DCAF6: variants seen among roughly 807,000 people sequenced by gnomAD.
The protein encoded by DCAF6 is DDB1 and CUL4 associated factor 6, also known as DDB1- and CUL4-associated factor 6.
A neutral mutation model predicts 125.1 loss-of-function variants in DCAF6; 54 were observed. That is an observed-to-expected ratio of 0.43 (90% CI 0.35 to 0.54). The LOEUF is 0.54. Among genes scored for constraint, DCAF6 ranks in the 20% least tolerant of loss-of-function variants. The pLI is 0.01. For synonymous variants in DCAF6, 371 were observed against 390.4 expected (o/e 0.95, Z 0.58); for missense variants, 934 against 1,161.7 (o/e 0.80, Z 2.85).
At chr1:167,935,882 T>C (rs1219325456), upstream of DCAF6, 1 of 1,450,680 alleles carries the variant, frequency 6.9e-7, no homozygotes, top group Non-Finnish European at 9.5e-7. Flanking sequence ...GGAGCGTGGC[T>C]GTGTTCTCGT....
the DCAF6 span, among the ~76,000 whole-genome samples, chr1:167,923,346 A>G: frequency 1.3e-5 from 2 of 152,204 alleles, no homozygotes; most frequent in Non-Finnish European, 2.9e-5. Context: ...AAATACATAC[A>G]ATGGAATGCT....
At chr1:168,030,261 T>C (rs1043496880) in intron 12 of DCAF6, among the ~76,000 whole-genome samples, 1 of 152,172 alleles carries the variant, frequency 6.6e-6, no homozygotes, top group Non-Finnish European at 1.5e-5. Context: ...GACATTAAGC[T>C]GAGATCTGAA....
intron 17 of DCAF6, among the ~76,000 whole-genome samples, chr1:168,051,351 T>G (rs527533738): frequency 3.4e-4 from 52 of 152,340 alleles, no homozygotes; most frequent in African/African-American, 1.3e-3. Context: ...AAAATGTACT[T>G]GAATCTAAAT....
At chr1:167,883,329 C>G in the DCAF6 span, 1 of 1,295,210 alleles carries the variant, frequency 7.7e-7, no homozygotes, top group South Asian at 1.2e-5. Flanking sequence ...TGAGCCACCA[C>G]GCCCAGCCTC....
At chr1:168,056,167 T>C in intron 17 of DCAF6, 2 of 1,601,752 alleles carry the variant, frequency 1.2e-6, no homozygotes, top group Non-Finnish European at 1.7e-6. Flanking sequence ...TCAGGGAGAC[T>C]ACAATAAACA....
chr1:167,900,300 C>T, the DCAF6 span, among the ~76,000 whole-genome samples: 3 of 152,078 alleles, frequency 2.0e-5, no homozygotes, highest in African/African-American at 7.2e-5. Flanking sequence ...GGCTGACTCC[C>T]CCCTGATTCT....
the DCAF6 span, among the ~76,000 whole-genome samples, chr1:167,925,535 TTTTTTTTTTGG>T: frequency 9.6e-4 from 122 of 127,490 alleles, 1 homozygote; most frequent in South Asian, 0.025. Context: ...TTTTTTTTGG[TTTTTTTTTTGG>T]TTTTTTTTGT....
intron 5 of DCAF6, among the ~76,000 whole-genome samples, chr1:167,988,315 T>G (rs984646224): frequency 2.0e-5 from 3 of 152,004 alleles, no homozygotes; most frequent in African/African-American, 7.2e-5. Context: ...TGTGTGCCAC[T>G]ATGCTCAACT....
At chr1:167,878,718 G>A in the DCAF6 span, 2 of 1,401,002 alleles carry the variant, frequency 1.4e-6, no homozygotes, top group Non-Finnish European at 2.0e-6. Flanking sequence ...TCCCCAAATA[G>A]CATTTTTACC....
the DCAF6 span, among the ~76,000 whole-genome samples, chr1:167,869,739 A>G: frequency 6.6e-6 from 1 of 152,102 alleles, no homozygotes; most frequent in Non-Finnish European, 1.5e-5. Flanking sequence ...CGACCCTCTC[A>G]TGCAGACCCC....
chr1:168,017,574 A>G (rs1236506219), intron 11 of DCAF6, among the ~76,000 whole-genome samples: 3 of 151,998 alleles, frequency 2.0e-5, no homozygotes, highest in Admixed American at 6.5e-5. Flanking sequence ...TGTCTTTCCA[A>G]CTCTTAAGTG....
intron 17 of DCAF6, among the ~76,000 whole-genome samples, chr1:168,052,678 G>GACTGTCTT (rs1398694769): frequency 6.6e-6 from 1 of 152,144 alleles, no homozygotes; most frequent in East Asian, 1.9e-4. Flanking sequence ...CTTCATTAGG[G>GACTGTCTT]ACTGTCTTAC....
At chr1:167,937,120 G>C (rs1271787385) in intron 1 of DCAF6, 112 bp downstream of exon 1, 2 of 881,046 alleles carry the variant, frequency 2.3e-6, no homozygotes, top group East Asian at 5.4e-5. Flanking sequence ...GGCGCCCGGA[G>C]ACTCTGGGGT....
chr1:167,941,604 C>A (rs1672252000), intron 1 of DCAF6, among the ~76,000 whole-genome samples: 1 of 151,764 alleles, frequency 6.6e-6, no homozygotes, highest in Non-Finnish European at 1.5e-5. Context: ...TGGTGTTGAA[C>A]TGGTAGAGTA....
At chr1:167,951,936 C>A in intron 2 of DCAF6, 75 bp downstream of exon 2, 1 of 917,124 alleles carries the variant, frequency 1.1e-6, no homozygotes, top group Non-Finnish European at 1.7e-6. Context: ...ATGTCCCAAT[C>A]CTCCCAGAAA....
intron 3 of DCAF6, among the ~76,000 whole-genome samples, chr1:167,974,628 A>G (rs1027524227): frequency 1.1e-4 from 16 of 152,136 alleles, no homozygotes; most frequent in Non-Finnish European, 7.4e-5. Context: ...ATGGTACTCA[A>G]TCTTATTCAC....
intron 6 of DCAF6, 52 bp from the exon 7 acceptor site, chr1:167,993,174 G>A (rs746329187): frequency 4.1e-6 from 6 of 1,458,918 alleles, no homozygotes; most frequent in Non-Finnish European, 5.6e-6. Context: ...TTTAAAAAAT[G>A]TTTTTCTTTA....
chr1:168,029,506 T>A (rs1686773461), intron 12 of DCAF6, among the ~76,000 whole-genome samples: 1 of 152,194 alleles, frequency 6.6e-6, no homozygotes, highest in African/African-American at 2.4e-5. Flanking sequence ...TTGAGTTGAT[T>A]TATAATAATA....
chr1:168,024,439 A>C (rs927734672), intron 12 of DCAF6, among the ~76,000 whole-genome samples: 1 of 152,222 alleles, frequency 6.6e-6, no homozygotes, highest in African/African-American at 2.4e-5. Context: ...TTTAAACTAT[A>C]TTCTTAGAGA....
Sources: allele counts gnomAD v4.1 joint callset (sites outside exome capture counted in the v4.1 genomes callset), GRCh38; gene constraint gnomAD v4.1.1; transcripts MANE v1.5; gene names NCBI Gene and HGNC (gene_info 2026-07-23, HGNC 2026-07-21).